PPM1H: variants seen among roughly 807,000 people sequenced by gnomAD.
PPM1H encodes protein phosphatase 1H.
Under a neutral mutation model 54.9 loss-of-function variants are expected in PPM1H, and 27 were observed. That is an observed-to-expected ratio of 0.49 (90% CI 0.36 to 0.68). The LOEUF (loss-of-function observed/expected upper bound fraction) is 0.68. PPM1H is among the 30% of genes least tolerant of loss of function. PPM1H has a pLI of 0.00. For synonymous variants in PPM1H, 305 were observed against 270.8 expected (o/e 1.13, Z -1.24); for missense variants, 596 against 667.8 (o/e 0.89, Z 1.19).
chr12:62,920,379 T>C (rs1478356663), intron 1 of PPM1H, among the ~76,000 whole-genome samples: 1 of 152,086 alleles, frequency 6.6e-6, no homozygotes, highest in African/African-American at 2.4e-5. Context: ...CAAGCTGGAG[T>C]GTGGTAGTGT....
chr12:62,804,053 C>T (rs1484507922), intron 2 of PPM1H, among the ~76,000 whole-genome samples: 5 of 152,170 alleles, frequency 3.3e-5, no homozygotes, highest in Non-Finnish European at 7.3e-5. Flanking sequence ...AAACCTTTAG[C>T]TCATATCATA....
At position 62,810,994 on chromosome 12, in the gene PPM1H, C is replaced by T. The variant is rs149466579; in HGVS notation, c.412-8834G>A. 6.6e-5 allele frequency among the ~76,000 whole-genome samples: 10 copies of T among 152,292 alleles called. No homozygotes were observed. The East Asian group carries it at 1.7e-3, about 26-fold the overall frequency. On this transcript the variant is annotated intron_variant, in intron 2 of 9. Coordinates refer to ENST00000228705, the MANE Select transcript of PPM1H (RefSeq NM_020700.2). ...CATGGTTCTCAAGCTCTTGAACTAA[C>T]AATCTAGAATATGATCAGGTAATTA... is the stretch of plus-strand genomic sequence containing the variant.
At chr12:62,742,855 A>G (rs1393770372) in intron 4 of PPM1H, among the ~76,000 whole-genome samples, 2 of 152,150 alleles carry the variant, frequency 1.3e-5, no homozygotes, top group East Asian at 3.9e-4. Flanking sequence ...ATTCCCATAC[A>G]GAGGGGATGG....
At chr12:62,835,353 C>T (rs1323913769) in intron 1 of PPM1H, among the ~76,000 whole-genome samples, 1 of 152,244 alleles carries the variant, frequency 6.6e-6, no homozygotes, top group Non-Finnish European at 1.5e-5. Flanking sequence ...ATGATCATGA[C>T]TGGCGCAAGG....
chr12:62,807,836 C>T (rs2076813861), intron 2 of PPM1H, among the ~76,000 whole-genome samples: 1 of 152,152 alleles, frequency 6.6e-6, no homozygotes, highest in Non-Finnish European at 1.5e-5. Context: ...TCCAGAAAAA[C>T]CTTCCCATCA....
intron 6 of PPM1H, among the ~76,000 whole-genome samples, chr12:62,704,079 C>G (rs1247804097): frequency 4.4e-4 from 66 of 151,398 alleles, no homozygotes; most frequent in Non-Finnish European, 1.6e-4. Flanking sequence ...TTTTAAATGT[C>G]ATCTTTTAGA....
intron 9 of PPM1H, among the ~76,000 whole-genome samples, chr12:62,650,819 C>T (rs1175669524): frequency 6.6e-6 from 1 of 152,098 alleles, no homozygotes; most frequent in Non-Finnish European, 1.5e-5. Context: ...GGAACTCGGT[C>T]CCCATGATCT....
intron 9 of PPM1H, among the ~76,000 whole-genome samples, chr12:62,655,278 AT>A (rs1358683660): frequency 3.3e-5 from 5 of 152,118 alleles, no homozygotes; most frequent in African/African-American, 1.2e-4. Flanking sequence ...TTCAGAGCTC[AT>A]TTGCATCCAT....
intron 1 of PPM1H, among the ~76,000 whole-genome samples, chr12:62,899,196 A>G (rs1003614920): frequency 1.3e-5 from 2 of 152,168 alleles, no homozygotes; most frequent in Non-Finnish European, 2.9e-5. Context: ...GCACTTTTGT[A>G]TGTATTTTTT....
chr12:62,816,182 G>A (rs1218116647), intron 2 of PPM1H, among the ~76,000 whole-genome samples: 2 of 152,224 alleles, frequency 1.3e-5, no homozygotes, highest in East Asian at 3.9e-4. Context: ...CATGGTGTAA[G>A]TCTAGACACT....
intron 2 of PPM1H, among the ~76,000 whole-genome samples, chr12:62,828,043 T>C (rs1317502129): frequency 1.3e-5 from 2 of 152,030 alleles, no homozygotes; most frequent in African/African-American, 2.4e-5. Context: ...ACAGGAAGGG[T>C]GGGTACAATC....
intron 8 of PPM1H, among the ~76,000 whole-genome samples, chr12:62,674,749 G>A (rs1042368575): frequency 4.6e-5 from 7 of 152,254 alleles, no homozygotes; most frequent in African/African-American, 9.6e-5. Context: ...GCTGGACATC[G>A]TATGCCTTAC....
At chr12:62,905,450 G>A (rs914202689) in intron 1 of PPM1H, among the ~76,000 whole-genome samples, 1 of 152,160 alleles carries the variant, frequency 6.6e-6, no homozygotes, top group African/African-American at 2.4e-5. Context: ...CCATCTAAAT[G>A]TGAAAGACAT....
chr12:62,789,543 C>T (rs1355919962), intron 3 of PPM1H, among the ~76,000 whole-genome samples: 3 of 152,186 alleles, frequency 2.0e-5, no homozygotes, highest in Non-Finnish European at 4.4e-5. Flanking sequence ...TTCCTCTTCC[C>T]ACAGCCACCA....
chr12:62,696,981 AAAG>A (rs1393373964), intron 6 of PPM1H, among the ~76,000 whole-genome samples: 7 of 152,222 alleles, frequency 4.6e-5, no homozygotes, highest in African/African-American at 1.4e-4. Context: ...CTGATGAAGA[AAAG>A]AAGACTTTTG....
chr12:62,900,400 G>A (rs549277652), intron 1 of PPM1H, among the ~76,000 whole-genome samples: 1 of 151,916 alleles, frequency 6.6e-6, no homozygotes, highest in African/African-American at 2.4e-5. Context: ...GGTGGGGTAG[G>A]GGGGAGGGAT....
At chr12:62,695,176 C>T (rs1012675261) in intron 6 of PPM1H, among the ~76,000 whole-genome samples, 71 of 152,088 alleles carry the variant, frequency 4.7e-4, no homozygotes, top group Non-Finnish European at 6.3e-4. Context: ...AGCATGCAAC[C>T]CCAAAGTTAA....
At chr12:62,720,935 A>G (rs2076260128) in intron 5 of PPM1H, 1 of 152,476 alleles carries the variant, frequency 6.6e-6, no homozygotes, top group Non-Finnish European at 1.5e-5. Context: ...TCTCATTGTC[A>G]CATTCAAAAT....
chr12:62,793,165 A>G (rs1426673183), intron 3 of PPM1H, among the ~76,000 whole-genome samples: 1 of 152,154 alleles, frequency 6.6e-6, no homozygotes, highest in East Asian at 1.9e-4. Flanking sequence ...ACACATGCAT[A>G]TACTATCATT....
Sources: allele counts gnomAD v4.1 joint callset (sites outside exome capture counted in the v4.1 genomes callset), GRCh38; gene constraint gnomAD v4.1.1; transcripts MANE v1.5; gene names NCBI Gene and HGNC (gene_info 2026-07-23, HGNC 2026-07-21).